PIK3R3: variants seen among roughly 807,000 people sequenced by gnomAD.
PIK3R3 encodes the protein phosphoinositide-3-kinase regulatory subunit 3.
A neutral mutation model predicts 62.9 loss-of-function variants in PIK3R3; 64 were observed. The ratio of observed to expected loss-of-function variants is 1.02; its 90% CI spans 0.83 to 1.25. The LOEUF (loss-of-function observed/expected upper bound fraction) is 1.25, where lower values mean the gene tolerates loss of function less well. Ranked by LOEUF, PIK3R3 falls within the 50% of genes most tolerant of loss-of-function variation. PIK3R3 has a pLI of 0.00. For missense variants in PIK3R3, 614 were observed against 561.6 expected (o/e 1.09, Z -0.94); for synonymous variants, 165 against 189.0 (o/e 0.87, Z 1.04).
chr1:46,066,498 C>A (rs1215778467), intron 4 of PIK3R3, among the ~76,000 whole-genome samples: 1 of 152,016 alleles, frequency 6.6e-6, no homozygotes, highest in African/African-American at 2.4e-5. Context: ...GAAGGGTAGC[C>A]ACAAAATAAG....
intron 1 of PIK3R3, among the ~76,000 whole-genome samples, chr1:46,117,195 C>T (rs1043267633): frequency 6.6e-6 from 1 of 151,976 alleles, no homozygotes; most frequent in African/African-American, 2.4e-5. Context: ...CACTTTGGGA[C>T]GCCAAGGCAG....
chr1:46,070,673 G>C (rs982495292), intron 3 of PIK3R3, among the ~76,000 whole-genome samples: 9 of 152,182 alleles, frequency 5.9e-5, no homozygotes, highest in African/African-American at 1.7e-4. Context: ...GTATAGGGAA[G>C]GACTAAGTGG....
the PIK3R3 span, among the ~76,000 whole-genome samples, chr1:46,153,566 G>T: frequency 6.6e-6 from 1 of 152,210 alleles, no homozygotes; most frequent in African/African-American, 2.4e-5. Context: ...GGTGTGACTT[G>T]TAACTGCTGT....
chr1:46,071,730 TAGAGAGAGAGAG>T (rs140765040), intron 3 of PIK3R3, among the ~76,000 whole-genome samples: 4 of 59,046 alleles, frequency 6.8e-5, no homozygotes, highest in African/African-American at 2.4e-4. Context: ...TATATATATA[TAGAGAGAGAGAG>T]AGAGAGAGAG....
chr1:46,160,865 G>A, the PIK3R3 span, among the ~76,000 whole-genome samples: 1 of 152,196 alleles, frequency 6.6e-6, no homozygotes, highest in Non-Finnish European at 1.5e-5. Flanking sequence ...GGACCAAGAT[G>A]GGGAGGAGTG....
At chr1:46,087,488 C>T (rs1344455211) in intron 1 of PIK3R3, among the ~76,000 whole-genome samples, 1 of 152,056 alleles carries the variant, frequency 6.6e-6, no homozygotes, top group Admixed American at 6.6e-5. Context: ...AGCATATACC[C>T]CCAGTCAGGA....
chr1:46,090,773 T>C (rs535969590), intron 1 of PIK3R3, among the ~76,000 whole-genome samples: 10 of 152,352 alleles, frequency 6.6e-5, no homozygotes, highest in Admixed American at 2.0e-4. Flanking sequence ...ATTGTATTTA[T>C]ATAATGGAAA....
chr1:46,129,969 T>C (rs781147163), intron 1 of PIK3R3, among the ~76,000 whole-genome samples: 1 of 152,226 alleles, frequency 6.6e-6, no homozygotes. Flanking sequence ...AAATAAAGTT[T>C]GGATCAGAAT....
intron 1 of PIK3R3, among the ~76,000 whole-genome samples, chr1:46,126,368 T>C (rs553024148): frequency 3.3e-5 from 5 of 151,712 alleles, no homozygotes; most frequent in Admixed American, 6.6e-5. Context: ...TAAAACCCCG[T>C]CTCTACTAAA....
chr1:46,155,271 T>A, the PIK3R3 span, among the ~76,000 whole-genome samples: 5 of 151,554 alleles, frequency 3.3e-5, no homozygotes, highest in Non-Finnish European at 7.4e-5. Context: ...CAGTGAGCCA[T>A]GATCATCATA....
chr1:46,056,417 G>A (rs1208514537), intron 6 of PIK3R3: 1 of 153,334 alleles, frequency 6.5e-6, no homozygotes, highest in Non-Finnish European at 1.4e-5. Context: ...CCCATTTCTG[G>A]TATTAGCACC....
chr1:46,085,763 C>G (rs974510595), intron 1 of PIK3R3, among the ~76,000 whole-genome samples: 1 of 152,186 alleles, frequency 6.6e-6, no homozygotes, highest in African/African-American at 2.4e-5. Context: ...GTGAGCACTG[C>G]AATGCTGAGT....
In PIK3R3 at chr1:46,132,265, CT is replaced by C; in HGVS notation, c.-314del. 1 of 1,134,118 alleles carries C rather than the reference CT, an allele frequency of 8.8e-7. No homozygotes were observed. The highest frequency in any genetic ancestry group is 1.1e-6 in the Non-Finnish European group (1 of 919,426). 70.3% of individuals were successfully genotyped at this position (1,134,118 alleles called of 1,614,324 possible). On this transcript the variant is annotated 5_prime_UTR_variant, in exon 1 of 10. Transcript: ENST00000262741. ...CAAAAATCCTTTCTACACAGTCGCT[CT>C]CCGGGGAGAAAAGCTCCCACCGCCT...
chr1:46,108,524 G>A (rs1653420380), intron 1 of PIK3R3, among the ~76,000 whole-genome samples: 1 of 152,134 alleles, frequency 6.6e-6, no homozygotes, highest in Non-Finnish European at 1.5e-5. Context: ...CATGCCTCAG[G>A]ATCAGTGACC....
chr1:46,083,823 C>T (rs1650824579), intron 1 of PIK3R3, among the ~76,000 whole-genome samples: 1 of 152,174 alleles, frequency 6.6e-6, no homozygotes. Context: ...TACTCATAGA[C>T]TGCTGGTGGG....
the PIK3R3 span, among the ~76,000 whole-genome samples, chr1:46,142,869 T>C: frequency 6.6e-6 from 1 of 152,152 alleles, no homozygotes; most frequent in African/African-American, 2.4e-5. Flanking sequence ...TTTAGGAGTT[T>C]TAAGCAGAGG....
intron 1 of PIK3R3, among the ~76,000 whole-genome samples, chr1:46,111,252 C>T (rs996655213): frequency 1.3e-5 from 2 of 151,904 alleles, no homozygotes; most frequent in Non-Finnish European, 2.9e-5. Flanking sequence ...TTATTACTTC[C>T]ATTTTATATG....
At chr1:46,111,103 C>G (rs1571527828) in intron 1 of PIK3R3, among the ~76,000 whole-genome samples, 1 of 152,056 alleles carries the variant, frequency 6.6e-6, no homozygotes, top group South Asian at 2.1e-4. Context: ...CACGAAAACA[C>G]TGACCTTCAC....
chr1:46,043,329 T>A lies in PIK3R3; in HGVS notation c.*344A>T, dbSNP rs989979358. On this transcript the variant is annotated 3_prime_UTR_variant, in exon 10 of 10. Transcript: ENST00000262741. ...TAGATTTTAAAAAGACATGGTCTCT[T>A]CAGAGGCTTCCAAATACAACCCCAC... 2 of 362,000 alleles carry A rather than the reference T, an allele frequency of 5.5e-6. No homozygotes were observed. Among genetic ancestry groups the A allele is most frequent in the Admixed American group, 8.6e-5 (2 of 23,338 alleles). 22.4% of individuals were successfully genotyped at this position (362,000 alleles called of 1,614,324 possible).
Sources: allele counts gnomAD v4.1 joint callset (sites outside exome capture counted in the v4.1 genomes callset), GRCh38; gene constraint gnomAD v4.1.1; transcripts MANE v1.5; gene names NCBI Gene and HGNC (gene_info 2026-07-23, HGNC 2026-07-21).